The following DST variants were observed in gnomAD, a reference collection of about 807,000 sequenced individuals.
The protein encoded by DST is dystonin.
A neutral mutation model predicts 875.2 loss-of-function variants in DST; 253 were observed. The ratio of observed to expected loss-of-function variants is 0.29; its 90% CI spans 0.26 to 0.32. The LOEUF is 0.32. Among genes scored for constraint, DST ranks in the 10% least tolerant of loss-of-function variants. The pLI, the probability that DST is intolerant of heterozygous loss-of-function variation, is 1.00. For missense variants in DST, 8,287 were observed against 9,111.6 expected (o/e 0.91, Z 3.68); for synonymous variants, 3,124 against 3,197.1 (o/e 0.98, Z 0.77).
At chr6:56,824,859 C>CGT (rs1327137417) in intron 4 of DST, among the ~76,000 whole-genome samples, 10 of 151,332 alleles carry the variant, frequency 6.6e-5, no homozygotes, top group Admixed American at 3.3e-4. Flanking sequence ...GCAGCCACCC[C>CGT]GTCCGGGAGG....
At chr6:56,629,490 C>T in intron 31 of DST, 47 bp from the exon 32 acceptor site, 2 of 1,378,912 alleles carry the variant, frequency 1.5e-6, no homozygotes, top group South Asian at 1.2e-5. Flanking sequence ...TAACCACTCA[C>T]TGGGTAAATA....
At chr6:56,632,823 G>A (rs2098792832) in intron 28 of DST, 31 bp downstream of exon 28, 1 of 1,599,438 alleles carries the variant, frequency 6.3e-7, no homozygotes, top group East Asian at 2.2e-5. Flanking sequence ...ACACCTATGG[G>A]GAAAAAAAGA....
At chr6:56,691,520 T>A (rs527745399) in intron 9 of DST, among the ~76,000 whole-genome samples, 1 of 152,164 alleles carries the variant, frequency 6.6e-6, no homozygotes, top group African/African-American at 2.4e-5. Flanking sequence ...ATCACAAATA[T>A]TCTTTATGTT....
chr6:56,614,453 A>T lies in DST; in HGVS notation c.4961T>A (p.Val1654Asp), dbSNP rs1180359985. 1.2e-6 allele frequency: 2 copies of T among 1,608,610 alleles called. No homozygotes were observed. Among genetic ancestry groups the T allele is most frequent in the Non-Finnish European group, 1.7e-6 (2 of 1,177,668 alleles). Residue 1654 changes from valine to aspartate, a missense_variant, in exon 37 of 104, where the codon GTT becomes GAT. Val to Asp is a radical substitution (Grantham distance 152). Coordinates refer to ENST00000680361, the MANE Select transcript of DST (RefSeq NM_001374736.1). ...KSLEEEKKEH[V>D]EKAKELQKWV... The stretch of plus-strand genomic sequence containing the variant: ...TTTTTGCAATTCTTTGGCTTTTTCA[A>T]CATGTTCTTTCTTTTCTTCTTCCAG...
chr6:56,739,105 A>G (rs1216251024), intron 4 of DST, among the ~76,000 whole-genome samples: 2 of 148,456 alleles, frequency 1.3e-5, no homozygotes, highest in South Asian at 2.2e-4. Context: ...TGTCTACCAC[A>G]TACTAGATGC....
chr6:56,461,350 A>G (rs1375286192), intron 102 of DST: 2 of 152,224 alleles, frequency 1.3e-5, no homozygotes, highest in African/African-American at 4.8e-5. Context: ...ACCTAATCAT[A>G]ACCTTGAAAA....
chr6:56,754,109 G>A lies in DST; in HGVS notation c.626-18820C>T, dbSNP rs116511280. Among the ~76,000 whole-genome samples, 1,344 of 152,248 alleles carry A rather than the reference G, an allele frequency of 8.8e-3. 14 individuals are homozygous for A. The highest frequency in any genetic ancestry group is 0.03 in the African/African-American group (1,235 of 41,564). On this transcript the variant is annotated intron_variant, in intron 4 of 103. Coordinates refer to ENST00000680361, the MANE Select transcript of DST (RefSeq NM_001374736.1). Reference sequence around the variant, plus strand: ...AAGAAATGACTTTCGGTTTCTTTTAGCAATAGGAATAAGAAAGAAACTGAA... The same window carrying A: ...AAGAAATGACTTTCGGTTTCTTTTAACAATAGGAATAAGAAAGAAACTGAA...
At chr6:56,867,946 C>T (rs1486210723) in intron 3 of DST, among the ~76,000 whole-genome samples, 3 of 152,140 alleles carry the variant, frequency 2.0e-5, no homozygotes, top group Admixed American at 6.5e-5. Context: ...AATAAACAGA[C>T]GGGTGTGCCT....
chr6:56,702,378 T>TAC (rs1156550997), intron 7 of DST, among the ~76,000 whole-genome samples: 51 of 149,182 alleles, frequency 3.4e-4, no homozygotes, highest in African/African-American at 1.2e-3. Context: ...TATAACTGTA[T>TAC]ATACACACAC....
chr6:56,505,484 A>G (rs1272854781), intron 77 of DST, among the ~76,000 whole-genome samples: 1 of 151,754 alleles, frequency 6.6e-6, no homozygotes, highest in Non-Finnish European at 1.5e-5. Context: ...TACAAAAGAA[A>G]AAAAAAAAAA....
intron 10 of DST, among the ~76,000 whole-genome samples, chr6:56,656,859 A>G (rs1338279159): frequency 1.3e-5 from 2 of 152,226 alleles, no homozygotes; most frequent in Non-Finnish European, 2.9e-5. Flanking sequence ...ATGTATATGT[A>G]TATGTATGTG....
rs773063234 is a variant in DST at position 56,620,047 on chromosome 6, T to C, written c.4929+4483A>G. Reference sequence around the variant, plus strand: ...ACACTGGCAATGCATTTTCTCTACATGTATACTGAATTTCAGTTATTTTTC... The same window carrying C: ...ACACTGGCAATGCATTTTCTCTACACGTATACTGAATTTCAGTTATTTTTC... On this transcript the variant is annotated intron_variant, in intron 36 of 103. Transcript: ENST00000680361. 5 of 1,613,880 alleles carry C rather than the reference T, an allele frequency of 3.1e-6. No homozygotes were observed. The African/African-American group carries it at 4.0e-5, about 13-fold the overall frequency.
chr6:56,941,063 C>A (rs1816280952), intron 2 of DST, among the ~76,000 whole-genome samples: 2 of 152,078 alleles, frequency 1.3e-5, no homozygotes, highest in South Asian at 4.1e-4. Context: ...TTATGTCCTT[C>A]TTTCTACTTA....
At chr6:56,897,290 T>C (rs973351796) in intron 3 of DST, among the ~76,000 whole-genome samples, 5 of 138,238 alleles carry the variant, frequency 3.6e-5, no homozygotes, top group African/African-American at 1.3e-4. Context: ...CAAAGAATAC[T>C]AAGTGGTTTT....
chr6:56,809,786 G>T (rs1234307230), intron 4 of DST, among the ~76,000 whole-genome samples: 1 of 152,094 alleles, frequency 6.6e-6, no homozygotes, highest in African/African-American at 2.4e-5. Context: ...ATTTTAGACA[G>T]ATTTTCAATC....
intron 4 of DST, among the ~76,000 whole-genome samples, chr6:56,752,005 C>G (rs2099588538): frequency 6.6e-6 from 1 of 152,164 alleles, no homozygotes; most frequent in South Asian, 2.1e-4. Context: ...TGAATCACAA[C>G]TCTTATGAAG....
intron 3 of DST, among the ~76,000 whole-genome samples, chr6:56,879,201 G>T (rs1044162873): frequency 5.3e-5 from 8 of 152,202 alleles, no homozygotes; most frequent in Non-Finnish European, 1.0e-4. Flanking sequence ...AGGCGCGGTG[G>T]CTCATGCCTG....
chr6:56,609,329 C>A lies in DST; in HGVS notation c.5299G>T (p.Ala1767Ser). ...KVEEKLDKVI[A>S]GTIDQTTGEV... ...CCAGTTGTCTGATCAATGGTGCCTG[C>A]AATCACTTTATCCAGCTGAAAGGAA... is the stretch of plus-strand genomic sequence containing the variant. The change falls in exon 40 of 104, where the codon GCA becomes TCA. Residue 1767 changes from alanine (A) to serine (S), a missense_variant. Coordinates refer to ENST00000680361, the MANE Select transcript of DST (RefSeq NM_001374736.1). 2.5e-6 allele frequency: 4 copies of A among 1,606,216 alleles called. No homozygotes were observed. Among genetic ancestry groups the A allele is most frequent in the Non-Finnish European group, 3.4e-6 (4 of 1,175,866 alleles).
rs573173508 is a variant in DST, at chr6:56,517,079, T to C, written c.18357+119A>G. 4 of 751,654 alleles carry C rather than the reference T, an allele frequency of 5.3e-6. No individual in the cohort carries two copies. In the South Asian group the frequency reaches 6.2e-5, roughly 12 times the overall value. 46.6% of individuals were successfully genotyped at this position (751,654 alleles called of 1,614,324 possible). A position where few individuals can be genotyped will look rare whatever the true frequency, so the allele number is the denominator to read the frequency against. On this transcript the variant is annotated intron_variant, in intron 71 of 103. Transcript: ENST00000680361. ...TTGAAAAATGCCTTATTTAAACTAA[T>C]TATTTTTGCTGCTTAAATGGCAGCT...
Sources: allele counts gnomAD v4.1 joint callset (sites outside exome capture counted in the v4.1 genomes callset), GRCh38; gene constraint gnomAD v4.1.1; transcripts MANE v1.5; gene names NCBI Gene and HGNC (gene_info 2026-07-23, HGNC 2026-07-21).